Variants in AAAS observed in about 807,000 individuals in gnomAD.
AAAS encodes aladin WD repeat nucleoporin, also known as aladin.
A neutral mutation model predicts 75.6 loss-of-function variants in AAAS; 60 were observed. The ratio of observed to expected loss-of-function variants is 0.79; its 90% CI spans 0.64 to 0.98. AAAS has a LOEUF of 0.98. Among genes scored for constraint, AAAS ranks in the 50% least tolerant of loss-of-function variants. The probability of loss-of-function intolerance (pLI) is 0.00; values close to 1 mark genes in which losing one functional copy is unlikely to be tolerated. For missense variants in AAAS, 658 were observed against 686.9 expected (o/e 0.96, Z 0.47); for synonymous variants, 271 against 265.0 (o/e 1.02, Z -0.22).
At chr12:53,315,170 C>T (rs764546198) in intron 4 of AAAS, 30 bp from the exon 5 acceptor site, 4 of 1,613,904 alleles carry the variant, frequency 2.5e-6, no homozygotes, top group South Asian at 1.1e-5. Context: ...ACAGGACACA[C>T]TGGGGCAAAA....
rs370758761 is a variant in AAAS at position 53,314,180 on chromosome 12, A to T, written c.689+118T>A. The T allele has an allele frequency of 2.2e-5, 31 of 1,439,422 alleles. No individual in the cohort carries two copies. In the East Asian group the frequency reaches 4.8e-4, roughly 22 times the overall value. 89.2% of individuals were successfully genotyped at this position (1,439,422 alleles called of 1,614,324 possible). A position where few individuals can be genotyped will look rare whatever the true frequency, so the allele number is the denominator to read the frequency against. ...CCTTGATCTTACTTCTGCTTTTCCC[A>T]TAGCCCTGGGAAGTGCTGTGAGGAC... On this transcript the variant is annotated intron_variant, in intron 7 of 15. Transcript: ENST00000209873.
chr12:53,316,962 A>T (rs1257716302), intron 2 of AAAS, among the ~76,000 whole-genome samples: 2 of 151,842 alleles, frequency 1.3e-5, no homozygotes, highest in African/African-American at 4.8e-5. Flanking sequence ...ACATGCCTGT[A>T]GTCCCAGCTA....
chr12:53,313,311 G>A (rs1364741808), intron 7 of AAAS, among the ~76,000 whole-genome samples: 2 of 151,770 alleles, frequency 1.3e-5, no homozygotes, highest in African/African-American at 2.4e-5. Context: ...TCACAGGCAC[G>A]CACCACCACG....
intron 15 of AAAS, 46 bp from the exon 16 acceptor site, chr12:53,307,759 G>A: frequency 6.2e-7 from 1 of 1,613,500 alleles, no homozygotes; most frequent in Non-Finnish European, 8.5e-7. Flanking sequence ...GCCCAAAGAA[G>A]GGCCACCTGG....
At chr12:53,318,759 T>C (rs1944506433) in intron 2 of AAAS, among the ~76,000 whole-genome samples, 1 of 152,066 alleles carries the variant, frequency 6.6e-6, no homozygotes, top group Non-Finnish European at 1.5e-5. Context: ...GTCTGCGAAA[T>C]ATTCAAGCAG....
At chr12:53,312,863 T>G (rs1242021877) in intron 7 of AAAS, among the ~76,000 whole-genome samples, 2 of 3,766 alleles carry the variant, frequency 5.3e-4, no homozygotes, top group East Asian at 0.027. Flanking sequence ...TATATATATA[T>G]TTTTTTTTTT....
At position 53,321,593 on chromosome 12, in the gene AAAS, G is replaced by C. The variant is rs1944559850; in HGVS notation, c.-128C>G. ...GGTACCGCAAGGGACAAACGGCGAGGCGGAACTCAACGGAAGTGAAGAAAA... is the reference window on the plus strand; with the variant it reads ...GGTACCGCAAGGGACAAACGGCGAGCCGGAACTCAACGGAAGTGAAGAAAA... On this transcript the variant is annotated 5_prime_UTR_variant, in exon 1 of 16. Transcript: ENST00000209873. The C allele has an allele frequency of 1.3e-6, 2 of 1,520,316 alleles. No homozygotes were observed. The highest frequency in any genetic ancestry group is 9.0e-7 in the Non-Finnish European group (1 of 1,109,242). The allele number at this position is 1,520,316 out of a possible 1,614,324, so 94.2% of individuals were successfully genotyped here.
Position 53,309,658 on chromosome 12 carries a change from G to A in AAAS, c.753C>T (p.Ala251=), listed in dbSNP as rs754660762. 2 of 1,613,490 alleles carry A rather than the reference G, an allele frequency of 1.2e-6. No individual in the cohort carries two copies. The highest frequency in any genetic ancestry group is 2.2e-5 in the South Asian group (2 of 90,818). ...HPGHTPVTSL[A]WAPSGGRLLS... ...GCAGCCGCCCCCCACTGGGGGCCCAGGCCAAGCTGGTAACAGGTGTATGCC... is the reference window on the plus strand; with the variant it reads ...GCAGCCGCCCCCCACTGGGGGCCCAAGCCAAGCTGGTAACAGGTGTATGCC... Residue 251 remains alanine (A), a synonymous_variant, in exon 8 of 16, where the codon GCC becomes GCT. Coordinates refer to ENST00000209873, the MANE Select transcript of AAAS (RefSeq NM_015665.6).
intron 15 of AAAS, 65 bp downstream of exon 15, chr12:53,307,780 C>T (rs1944312590): frequency 1.9e-6 from 3 of 1,612,760 alleles, no homozygotes; most frequent in Non-Finnish European, 2.5e-6. Flanking sequence ...CAGAGCCATA[C>T]AGCAGCCAAG....
At chr12:53,309,938 G>C (rs1317297353) in intron 7 of AAAS, 2 of 676,042 alleles carry the variant, frequency 3.0e-6, no homozygotes, top group Admixed American at 5.3e-5. Flanking sequence ...ACAGAGAAGA[G>C]GTAATCTGCA....
intron 7 of AAAS, 55 bp downstream of exon 7, chr12:53,314,243 A>G (rs1429643148): frequency 3.1e-6 from 5 of 1,612,014 alleles, no homozygotes; most frequent in Admixed American, 1.7e-5. Context: ...ACCACCCACC[A>G]TGCCTAGCAT....
chr12:53,315,760 C>A lies in AAAS; in HGVS notation c.274G>T (p.Val92Leu). ...TCTGAGTTTGCAATTTCATTTAGCA[C>A]CCCAAAAAGGCCCACATCACGCCTG... The part of the protein sequence containing the change: ...NIWRDVGLFG[V>L]LNEIANSEEE... The change falls in exon 3 of 16, where the codon GTG (valine) becomes TTG (leucine). Residue 92 changes from valine (V) to leucine (L), a missense_variant. Coordinates refer to ENST00000209873, the MANE Select transcript of AAAS (RefSeq NM_015665.6). 8 of 1,613,850 alleles carry A rather than the reference C, an allele frequency of 5.0e-6. No individual in the cohort carries two copies. The highest frequency in any genetic ancestry group is 6.8e-6 in the Non-Finnish European group (8 of 1,179,926).
Position 53,309,258 on chromosome 12 carries a change from G to A in AAAS, c.834C>T (p.Thr278=), listed in dbSNP as rs1944348316. 6.2e-7 allele frequency: 1 copy of A among 1,613,962 alleles called. No individual in the cohort carries two copies. The highest frequency in any genetic ancestry group is 8.5e-7 in the Non-Finnish European group (1 of 1,180,046). Residue 278 remains threonine, a synonymous_variant, in exon 9 of 16, where the codon ACC becomes ACT. Coordinates refer to ENST00000209873, the MANE Select transcript of AAAS (RefSeq NM_015665.6). ...AIRVWDVSTE[T]CVPLPWFRGG... ...CTCGGAACCAGGGAAGGGGGACACAGGTCTCTGTTGAGACATCCCATACCT... is the reference window on the plus strand; with the variant it reads ...CTCGGAACCAGGGAAGGGGGACACAAGTCTCTGTTGAGACATCCCATACCT...
intron 7 of AAAS, among the ~76,000 whole-genome samples, chr12:53,311,104 G>A (rs530534318): frequency 6.6e-6 from 1 of 152,020 alleles, no homozygotes; most frequent in African/African-American, 2.4e-5. Flanking sequence ...CCCACGCCCA[G>A]CTAGTTTTTT....
chr12:53,309,524 C>T, intron 8 of AAAS, 77 bp downstream of exon 8: 1 of 1,609,122 alleles, frequency 6.2e-7, no homozygotes. Flanking sequence ...CCTCCTTCCC[C>T]CAAGATGTTT....
chr12:53,312,912 A>T, intron 7 of AAAS, among the ~76,000 whole-genome samples: 1 of 149,798 alleles, frequency 6.7e-6, no homozygotes, highest in Non-Finnish European at 1.5e-5. Context: ...GCTGGAGTAC[A>T]GTGGCGTGAT....
At chr12:53,321,133 GCCT>G in intron 1 of AAAS, 1 of 699,118 alleles carries the variant, frequency 1.4e-6, no homozygotes, top group South Asian at 1.9e-5. Flanking sequence ...TTCCCTCTAG[GCCT>G]CCTCCACAGC....
chr12:53,319,621 T>C (rs1251626901), intron 2 of AAAS, among the ~76,000 whole-genome samples: 1 of 147,686 alleles, frequency 6.8e-6, no homozygotes, highest in Non-Finnish European at 1.5e-5. Flanking sequence ...CTGGCCAACA[T>C]GGTGAAATCT....
chr12:53,315,679 G>A, intron 3 of AAAS, 48 bp downstream of exon 3: 3 of 1,600,828 alleles, frequency 1.9e-6, no homozygotes, highest in Non-Finnish European at 2.6e-6. Context: ...AGAATATGGA[G>A]AGGAGATAAC....
Sources: allele counts gnomAD v4.1 joint callset (sites outside exome capture counted in the v4.1 genomes callset), GRCh38; gene constraint gnomAD v4.1.1; transcripts MANE v1.5; gene names NCBI Gene and HGNC (gene_info 2026-07-23, HGNC 2026-07-21).